CNOT10: variants seen among roughly 807,000 people sequenced by gnomAD.
The protein encoded by CNOT10 is CCR4-NOT transcription complex, subunit 10.
CNOT10 carries 30 observed loss-of-function variants against 94.6 expected under a neutral mutation model. The observed-to-expected ratio is 0.32, with a 90% CI of 0.24 to 0.43. The LOEUF is 0.43. Among genes scored for constraint, CNOT10 ranks in the 20% least tolerant of loss-of-function variants. The pLI is 1.00. For synonymous variants in CNOT10, 289 were observed against 301.6 expected, an observed-to-expected ratio of 0.96 and a Z score of 0.43; for missense variants, 759 against 877.2, an observed-to-expected ratio of 0.87 and a Z score of 1.70.
chr3:32,742,145 G>A (rs1311847981), intron 13 of CNOT10, among the ~76,000 whole-genome samples: 2 of 151,612 alleles, frequency 1.3e-5, no homozygotes, highest in Admixed American at 6.6e-5. Context: ...TAGTAGAGAC[G>A]GGGTTTCACC....
chr3:32,696,011 G>GTGTGTA (rs1697046269), intron 1 of CNOT10, among the ~76,000 whole-genome samples: 1 of 147,046 alleles, frequency 6.8e-6, no homozygotes, highest in Non-Finnish European at 1.5e-5. Context: ...GTGTGTGTGT[G>GTGTGTA]TGTGTATTTG....
Position 32,725,505 on chromosome 3 carries a change from GAGCA to G in CNOT10, c.923_926del (p.Lys308ThrfsTer42), listed in dbSNP as rs1279195806. ...ACCTTGGTTGCATCCATTTTGCCATGAGCAAGCACAATTTGGGAATATTCTACTT... is the reference window on the plus strand; with the variant it reads ...ACCTTGGTTGCATCCATTTTGCCATGAGCACAATTTGGGAATATTCTACTT... On this transcript the variant is annotated frameshift_variant, in exon 9 of 19. Coordinates refer to ENST00000328834, the MANE Select transcript of CNOT10 (RefSeq NM_015442.3). LOFTEE classifies it high-confidence loss of function. 2 of 1,613,730 alleles carry G rather than the reference GAGCA, an allele frequency of 1.2e-6. No individual in the cohort carries two copies.
intron 5 of CNOT10, 171 bp from the exon 6 acceptor site, chr3:32,716,054 G>A (rs1426312984): frequency 1.4e-5 from 6 of 443,402 alleles, no homozygotes; most frequent in East Asian, 7.2e-5. Flanking sequence ...CGATCCGCCC[G>A]CCTCTGCCTT....
At chr3:32,748,946 C>T (rs1699836911) in intron 13 of CNOT10, among the ~76,000 whole-genome samples, 2 of 152,078 alleles carry the variant, frequency 1.3e-5, no homozygotes, top group Admixed American at 1.3e-4. Context: ...CTCAGCCTCC[C>T]GAGTAGCTGG....
intron 1 of CNOT10, among the ~76,000 whole-genome samples, chr3:32,696,880 G>A (rs977820067): frequency 6.6e-6 from 1 of 151,988 alleles, no homozygotes; most frequent in Non-Finnish European, 1.5e-5. Flanking sequence ...GTCCAGCCCA[G>A]CTTATATATT....
intron 3 of CNOT10, among the ~76,000 whole-genome samples, chr3:32,705,750 A>G: frequency 6.6e-6 from 1 of 152,188 alleles, no homozygotes. Flanking sequence ...TTAGGGAGTC[A>G]TGAGACCTTT....
At chr3:32,694,014 A>AT (rs1342699570) in intron 1 of CNOT10, among the ~76,000 whole-genome samples, 4 of 151,070 alleles carry the variant, frequency 2.6e-5, no homozygotes, top group Non-Finnish European at 5.9e-5. Context: ...TTCTCAGGAA[A>AT]TTTTTTTTTC....
At chr3:32,752,561 A>G (rs12637772) in intron 13 of CNOT10, among the ~76,000 whole-genome samples, 64,350 of 152,132 alleles carry the variant, frequency 0.42, 16,256 homozygotes, top group Non-Finnish European at 0.54. Context: ...TTGTACTTCT[A>G]TTTCTGTTGG....
chr3:32,735,531 A>G (rs1434950467), intron 12 of CNOT10, among the ~76,000 whole-genome samples: 2 of 152,126 alleles, frequency 1.3e-5, no homozygotes, highest in East Asian at 3.9e-4. Flanking sequence ...ACATGGTGAA[A>G]CCCCGTCTCT....
intron 10 of CNOT10, among the ~76,000 whole-genome samples, chr3:32,731,431 G>A (rs1698949050): frequency 6.6e-6 from 1 of 152,134 alleles, no homozygotes; most frequent in African/African-American, 2.4e-5. Flanking sequence ...GTCATTATAA[G>A]ATAACTACTT....
intron 18 of CNOT10, among the ~76,000 whole-genome samples, chr3:32,770,515 C>T (rs1294184263): frequency 2.0e-5 from 3 of 151,714 alleles, no homozygotes; most frequent in African/African-American, 7.3e-5. Context: ...TTAGTAGAGA[C>T]AGGGTTTCAC....
intron 13 of CNOT10, among the ~76,000 whole-genome samples, chr3:32,752,686 T>G (rs1445685229): frequency 2.6e-5 from 4 of 152,184 alleles, no homozygotes; most frequent in African/African-American, 9.7e-5. Context: ...CTTTAACAGT[T>G]GAAAGTTGGC....
chr3:32,686,141 A>G (rs1200198929), intron 1 of CNOT10, among the ~76,000 whole-genome samples: 4 of 152,124 alleles, frequency 2.6e-5, no homozygotes, highest in Admixed American at 1.3e-4. Flanking sequence ...GTTCCTCGAA[A>G]TTACTTAATC....
chr3:32,685,966 G>A (rs1281672528), intron 1 of CNOT10, among the ~76,000 whole-genome samples: 4 of 152,052 alleles, frequency 2.6e-5, no homozygotes, highest in African/African-American at 9.7e-5. Flanking sequence ...AGAGACGGGC[G>A]GGGGTCTCGC....
chr3:32,742,650 G>C (rs887040874), intron 13 of CNOT10, among the ~76,000 whole-genome samples: 4 of 152,182 alleles, frequency 2.6e-5, no homozygotes, highest in South Asian at 2.1e-4. Context: ...CCACAGTGCT[G>C]AGATCATAGG....
chr3:32,717,624 A>T (rs1226811193), intron 7 of CNOT10, among the ~76,000 whole-genome samples: 4 of 152,064 alleles, frequency 2.6e-5, no homozygotes, highest in African/African-American at 9.7e-5. Flanking sequence ...CCAGCACTTT[A>T]GGAGGCCAAG....
chr3:32,725,707 A>G, intron 9 of CNOT10, 108 bp downstream of exon 9: 1 of 981,198 alleles, frequency 1.0e-6, no homozygotes. Flanking sequence ...CATATAGTTA[A>G]CTCTGATCTT....
chr3:32,713,727 T>G (rs990682920), intron 5 of CNOT10, among the ~76,000 whole-genome samples: 1 of 152,376 alleles, frequency 6.6e-6, no homozygotes, highest in South Asian at 2.1e-4. Context: ...GTCTGGACAT[T>G]ACATATGAAT....
At chr3:32,694,286 T>C (rs1015569248) in intron 1 of CNOT10, among the ~76,000 whole-genome samples, 1 of 152,154 alleles carries the variant, frequency 6.6e-6, no homozygotes, top group African/African-American at 2.4e-5. Context: ...GAAGATGTTA[T>C]GTTGAAGGTG....
Sources: allele counts gnomAD v4.1 joint callset (sites outside exome capture counted in the v4.1 genomes callset), GRCh38; gene constraint gnomAD v4.1.1; transcripts MANE v1.5; gene names NCBI Gene and HGNC (gene_info 2026-07-23, HGNC 2026-07-21).